The following ANXA13 variants were observed in gnomAD, a reference collection of about 807,000 sequenced individuals.
ANXA13 encodes the protein annexin A13.
Under a neutral mutation model 46.6 loss-of-function variants are expected in ANXA13, and 36 were observed. The ratio of observed to expected loss-of-function variants is 0.77; its 90% CI spans 0.59 to 1.02. ANXA13 has a LOEUF of 1.02. Among genes scored for constraint, ANXA13 ranks in the 50% least tolerant of loss-of-function variants. The probability of loss-of-function intolerance (pLI) is 0.00; values close to 1 mark genes in which losing one functional copy is unlikely to be tolerated. For missense variants in ANXA13, 417 were observed against 396.5 expected (o/e 1.05, Z -0.44); for synonymous variants, 163 against 152.9 (o/e 1.07, Z -0.49).
At chr8:123,734,129 T>C (rs927912788) in intron 1 of ANXA13, among the ~76,000 whole-genome samples, 2 of 152,196 alleles carry the variant, frequency 1.3e-5, no homozygotes, top group African/African-American at 4.8e-5. Flanking sequence ...TTCCCAGAAA[T>C]CATGAGTCCA....
At chr8:123,687,182 T>C (rs1465896545) in intron 9 of ANXA13, among the ~76,000 whole-genome samples, 1 of 152,178 alleles carries the variant, frequency 6.6e-6, no homozygotes, top group Non-Finnish European at 1.5e-5. Context: ...TGAGTAAATG[T>C]TAAATCATTG....
In ANXA13 at chr8:123,698,419, G is replaced by A. The variant is rs1342362418; in HGVS notation, c.327C>T (p.Leu109=). 4 of 1,614,060 alleles carry A rather than the reference G, an allele frequency of 2.5e-6. No individual in the cohort carries two copies. In the South Asian group the frequency reaches 3.3e-5, roughly 13 times the overall value. The part of the protein sequence containing the change: ...MKGLGTDESV[L]IEVLCTRTNK... Reference sequence around the variant, plus strand: ...TGGTCCTCGTGCACAGGACCTCAATGAGGACGGACTCATCTGTGCCCAGAC... The same window carrying A: ...TGGTCCTCGTGCACAGGACCTCAATAAGGACGGACTCATCTGTGCCCAGAC... Residue 109 remains leucine, a synonymous_variant, in exon 4 of 11, where the codon CTC becomes CTT. Coordinates refer to ENST00000419625, the MANE Select transcript of ANXA13 (RefSeq NM_004306.4).
chr8:123,724,775 T>A (rs1277379847), intron 1 of ANXA13, among the ~76,000 whole-genome samples: 1 of 152,252 alleles, frequency 6.6e-6, no homozygotes, highest in Non-Finnish European at 1.5e-5. Context: ...TTAGTGATAG[T>A]GGATCTTTCA....
intron 4 of ANXA13, 66 bp from the exon 5 acceptor site, chr8:123,695,787 G>C: frequency 7.2e-7 from 1 of 1,384,636 alleles, no homozygotes; most frequent in African/African-American, 1.4e-5. Context: ...GAGATACAGA[G>C]AGAAGAGGCG....
At chr8:123,683,806 C>T (rs1435928981) in intron 10 of ANXA13, among the ~76,000 whole-genome samples, 26 of 152,034 alleles carry the variant, frequency 1.7e-4, no homozygotes, top group Admixed American at 1.6e-3. Flanking sequence ...AGGCCGGTCT[C>T]GAACTCCTGA....
intron 1 of ANXA13, among the ~76,000 whole-genome samples, chr8:123,731,909 T>C (rs1042476763): frequency 3.3e-5 from 5 of 151,946 alleles, no homozygotes; most frequent in Non-Finnish European, 7.4e-5. Context: ...CCCAGATGGT[T>C]CTAAAACCAC....
At chr8:123,727,001 T>A (rs1814012376) in intron 1 of ANXA13, among the ~76,000 whole-genome samples, 2 of 152,220 alleles carry the variant, frequency 1.3e-5, no homozygotes, top group Admixed American at 6.5e-5. Context: ...GGAGCTAAGC[T>A]ATGAGGACGG....
chr8:123,703,714 T>G (rs920149754), intron 2 of ANXA13, among the ~76,000 whole-genome samples: 2 of 152,134 alleles, frequency 1.3e-5, no homozygotes, highest in African/African-American at 4.8e-5. Flanking sequence ...CTATTACCTT[T>G]AGATTATGTT....
rs76078944 is a variant in ANXA13, at chr8:123,732,513, G to A, written c.15+4807C>T. On this transcript the variant is annotated intron_variant, in intron 1 of 10. Coordinates refer to ENST00000419625, the MANE Select transcript of ANXA13 (RefSeq NM_004306.4). The stretch of plus-strand genomic sequence containing the variant: ...CTGTAGCACTGGGAGGTGGGCTCAC[G>A]CTGCTGGGACATGCAGGATTCTCTC... 1.2e-4 allele frequency among the ~76,000 whole-genome samples: 18 copies of A among 152,270 alleles called. No individual in the cohort carries two copies. In the East Asian group the frequency reaches 2.1e-3, roughly 18 times the overall value.
intron 10 of ANXA13, among the ~76,000 whole-genome samples, chr8:123,682,636 A>G (rs1024896266): frequency 1.3e-5 from 2 of 149,840 alleles, no homozygotes; most frequent in Non-Finnish European, 3.0e-5. Context: ...TACAGGAGAC[A>G]GGTGGTGTCT....
intron 2 of ANXA13, among the ~76,000 whole-genome samples, chr8:123,703,492 T>C (rs1000146174): frequency 4.6e-5 from 7 of 152,222 alleles, no homozygotes; most frequent in African/African-American, 1.4e-4. Flanking sequence ...GGGTGAATTA[T>C]ATGGTGCATG....
intron 1 of ANXA13, among the ~76,000 whole-genome samples, chr8:123,724,876 C>T (rs529248720): frequency 1.3e-5 from 2 of 152,328 alleles, no homozygotes; most frequent in Admixed American, 1.3e-4. Flanking sequence ...TATTGGAACA[C>T]AGCCAACCCA....
chr8:123,737,224 A>G, intron 1 of ANXA13, 96 bp downstream of exon 1: 5 of 1,216,806 alleles, frequency 4.1e-6, no homozygotes, highest in Non-Finnish European at 6.0e-6. Flanking sequence ...AACCATAGTG[A>G]TAAAGTATAC....
At chr8:123,699,414 C>T (rs924481964) in intron 3 of ANXA13, among the ~76,000 whole-genome samples, 1 of 152,174 alleles carries the variant, frequency 6.6e-6, no homozygotes, top group Admixed American at 6.5e-5. Context: ...AACTCCTAGG[C>T]TCAAGCGATC....
chr8:123,725,959 A>C (rs926924128), intron 1 of ANXA13, among the ~76,000 whole-genome samples: 2 of 152,194 alleles, frequency 1.3e-5, no homozygotes, highest in African/African-American at 4.8e-5. Flanking sequence ...ATTGCTGTTG[A>C]TACCTCCTTT....
intron 2 of ANXA13, among the ~76,000 whole-genome samples, chr8:123,705,387 G>A (rs936443288): frequency 3.3e-5 from 5 of 152,134 alleles, no homozygotes; most frequent in Non-Finnish European, 7.3e-5. Context: ...CCTTATGGTG[G>A]CATCGAGACT....
intron 10 of ANXA13, 97 bp from the exon 11 acceptor site, chr8:123,681,456 C>T: frequency 7.8e-7 from 1 of 1,285,556 alleles, no homozygotes; most frequent in African/African-American, 1.5e-5. Flanking sequence ...TTTGCTCATT[C>T]ATGCCTTAAA....
At chr8:123,713,088 G>T (rs13277433) in intron 1 of ANXA13, among the ~76,000 whole-genome samples, 34,667 of 152,208 alleles carry the variant, frequency 0.23, 5,007 homozygotes, top group South Asian at 0.41. Flanking sequence ...CTGTAAGCCA[G>T]TGTACTGGAG....
intron 1 of ANXA13, among the ~76,000 whole-genome samples, chr8:123,717,573 C>A (rs193106537): frequency 6.6e-6 from 1 of 152,322 alleles, no homozygotes; most frequent in African/African-American, 2.4e-5. Flanking sequence ...AATGCCCAAG[C>A]AACATCATAT....
Sources: gnomAD v4.1 joint callset for allele counts (sites outside exome capture counted in the v4.1 genomes callset) on GRCh38, gnomAD v4.1.1 for gene constraint, MANE v1.5 for transcripts, NCBI Gene and HGNC (gene_info 2026-07-23, HGNC 2026-07-21) for gene names.